Variants in AGMO observed in about 807,000 individuals in gnomAD.
The protein encoded by AGMO is alkylglycerol monooxygenase, also known as glyceryl-ether monooxygenase.
In AGMO, 75 loss-of-function variants were observed where a neutral mutation model predicts 60.2. That is an observed-to-expected ratio of 1.25 (90% CI 1.03 to 1.51). The LOEUF (loss-of-function observed/expected upper bound fraction) is 1.51, where lower values mean the gene tolerates loss of function less well. AGMO is among the 40% of genes most tolerant of loss of function. The pLI, the probability that AGMO is intolerant of heterozygous loss-of-function variation, is 0.00. For synonymous variants in AGMO, 261 were observed against 177.1 expected (o/e 1.47, Z -3.76); for missense variants, 763 against 525.5 (o/e 1.45, Z -4.42).
At chr7:15,521,983 A>G (rs554929056) in intron 3 of AGMO, among the ~76,000 whole-genome samples, 13 of 152,230 alleles carry the variant, frequency 8.5e-5, no homozygotes, top group Non-Finnish European at 1.9e-4. Context: ...TTAAGCTGAT[A>G]AGCAAACTCA....
chr7:15,137,942 G>A, the AGMO span, among the ~76,000 whole-genome samples: 2 of 152,172 alleles, frequency 1.3e-5, no homozygotes, highest in South Asian at 2.1e-4. Flanking sequence ...TGCTGAGAAC[G>A]GCAGTCTCCT....
chr7:15,352,112 A>G (rs1223538622), intron 12 of AGMO, among the ~76,000 whole-genome samples: 1 of 152,206 alleles, frequency 6.6e-6, no homozygotes, highest in African/African-American at 2.4e-5. Context: ...AAGCTATAGC[A>G]AGAAGACCTC....
intron 12 of AGMO, among the ~76,000 whole-genome samples, chr7:15,273,132 T>G (rs563412685): frequency 6.6e-6 from 1 of 152,226 alleles, no homozygotes; most frequent in Non-Finnish European, 1.5e-5. Flanking sequence ...TTTAGTTTAA[T>G]TAGATCCCAT....
chr7:15,262,482 CACAA>C (rs1445058731), intron 12 of AGMO, among the ~76,000 whole-genome samples: 2 of 151,556 alleles, frequency 1.3e-5, no homozygotes, highest in African/African-American at 4.8e-5. Flanking sequence ...TCATAAATAA[CACAA>C]ACAAACCCCA....
chr7:15,506,948 A>T (rs2128528167), intron 3 of AGMO, among the ~76,000 whole-genome samples: 1 of 152,184 alleles, frequency 6.6e-6, no homozygotes, highest in South Asian at 2.1e-4. Context: ...GCAAGAAAAA[A>T]GAATTGTGGT....
At chr7:15,311,105 T>C (rs1172542184) in intron 12 of AGMO, among the ~76,000 whole-genome samples, 1 of 152,086 alleles carries the variant, frequency 6.6e-6, no homozygotes. Flanking sequence ...ATGGACATAT[T>C]TGGGGGACCG....
chr7:15,458,465 T>C lies in AGMO; in HGVS notation c.410-27357A>G, dbSNP rs150526154. On this transcript the variant is annotated intron_variant, in intron 3 of 12. Coordinates refer to ENST00000342526, the MANE Select transcript of AGMO (RefSeq NM_001004320.2). The stretch of plus-strand genomic sequence containing the variant: ...GGAATGGCCTAGCCTGGGAATTTTA[T>C]TGGCAGATATCATAGCTTAAAAATG... Among the ~76,000 whole-genome samples the C allele has an allele frequency of 9.6e-3, 1,455 of 152,286 alleles. 25 individuals are homozygous for C. Among genetic ancestry groups the C allele is most frequent in the African/African-American group, 0.033 (1,371 of 41,554 alleles).
chr7:15,441,957 C>A (rs150325638), intron 3 of AGMO, among the ~76,000 whole-genome samples: 218 of 152,292 alleles, frequency 1.4e-3, no homozygotes, highest in African/African-American at 5.1e-3. Context: ...TGCTACTAAT[C>A]AGGACTTCCT....
intron 12 of AGMO, among the ~76,000 whole-genome samples, chr7:15,268,645 T>C (rs1383001428): frequency 1.3e-5 from 2 of 151,842 alleles, no homozygotes; most frequent in African/African-American, 2.4e-5. Flanking sequence ...TGAAGATAAA[T>C]TGAAGTGGTA....
chr7:15,418,640 G>A lies in AGMO; in HGVS notation c.527C>T (p.Pro176Leu). 1 of 1,557,884 alleles carries A rather than the reference G, an allele frequency of 6.4e-7. No homozygotes were observed. The change falls in exon 5 of 13, where the codon CCC (proline) becomes CTC (leucine). Residue 176 changes from proline (P) to leucine (L), a missense_variant. By Grantham distance (98) the Pro-to-Leu change is moderately conservative (BLOSUM62 -3). Transcript: ENST00000342526. ...QIYTSWIFYS[P>L]LALFIPPSVY... ...TGAAGGGGGTATGAAGAGGGCCAGG[G>A]GAGAGTAGAAAATCTGAAAGAAAAA... is the stretch of plus-strand genomic sequence containing the variant.
At chr7:15,156,741 C>A in the AGMO span, among the ~76,000 whole-genome samples, 4 of 152,166 alleles carry the variant, frequency 2.6e-5, no homozygotes, top group Non-Finnish European at 5.9e-5. Flanking sequence ...TGTATCCTCC[C>A]TCTGTCCACT....
chr7:15,215,303 T>C (rs1471309273), intron 12 of AGMO, among the ~76,000 whole-genome samples: 1 of 152,098 alleles, frequency 6.6e-6, no homozygotes, highest in African/African-American at 2.4e-5. Flanking sequence ...GCTAAATTTC[T>C]CCACAATTTG....
intron 5 of AGMO, among the ~76,000 whole-genome samples, chr7:15,394,874 T>G (rs944819783): frequency 3.3e-5 from 5 of 152,296 alleles, no homozygotes; most frequent in African/African-American, 1.2e-4. Flanking sequence ...GTCAAATATA[T>G]AAAAAGGCCT....
At chr7:15,493,667 G>T (rs551951146) in intron 3 of AGMO, among the ~76,000 whole-genome samples, 24 of 152,004 alleles carry the variant, frequency 1.6e-4, no homozygotes. Flanking sequence ...GAGCCACCGC[G>T]CCCGGCCCAC....
intron 5 of AGMO, 31 bp downstream of exon 5, chr7:15,418,527 T>C (rs1780838774): frequency 2.9e-6 from 4 of 1,389,112 alleles, no homozygotes; most frequent in African/African-American, 2.9e-5. Flanking sequence ...TGTTTAGGTA[T>C]AAAACTTACA....
At chr7:15,307,642 T>A (rs1013520765) in intron 12 of AGMO, among the ~76,000 whole-genome samples, 5 of 152,006 alleles carry the variant, frequency 3.3e-5, no homozygotes, top group African/African-American at 4.8e-5. Flanking sequence ...TGCATATAGT[T>A]TCAATTACTA....
intron 5 of AGMO, among the ~76,000 whole-genome samples, chr7:15,406,415 A>G (rs954849800): frequency 5.3e-5 from 7 of 131,406 alleles, no homozygotes; most frequent in South Asian, 2.4e-4. Flanking sequence ...GTGTATATAT[A>G]CACATATATA....
At chr7:15,279,609 C>A (rs1783904791) in intron 12 of AGMO, among the ~76,000 whole-genome samples, 1 of 152,132 alleles carries the variant, frequency 6.6e-6, no homozygotes, top group Non-Finnish European at 1.5e-5. Flanking sequence ...GAGATTTACA[C>A]TGTGAACTTT....
At chr7:15,229,601 C>A (rs1283225599) in intron 12 of AGMO, among the ~76,000 whole-genome samples, 2 of 148,768 alleles carry the variant, frequency 1.3e-5, no homozygotes, top group South Asian at 2.1e-4. Flanking sequence ...TTTTTGCCAA[C>A]TTCACAAAAC....
Sources: allele counts gnomAD v4.1 joint callset (sites outside exome capture counted in the v4.1 genomes callset), GRCh38; gene constraint gnomAD v4.1.1; transcripts MANE v1.5; gene names NCBI Gene and HGNC (gene_info 2026-07-23, HGNC 2026-07-21).